Variants in DPY19L2 observed in about 807,000 individuals in gnomAD.
DPY19L2 encodes the protein probable C-mannosyltransferase DPY19L2.
A neutral mutation model predicts 97.9 loss-of-function variants in DPY19L2; 34 were observed. The observed-to-expected ratio is 0.35, with a 90% CI of 0.26 to 0.46. DPY19L2 has a LOEUF of 0.46. DPY19L2 is among the 20% of genes least tolerant of loss of function. The pLI is 1.00. For missense variants in DPY19L2, 623 were observed against 911.4 expected, an observed-to-expected ratio of 0.68 and a Z score of 4.07; for synonymous variants, 230 against 307.9, an observed-to-expected ratio of 0.75 and a Z score of 2.65.
chr12:63,615,686 A>C (rs1457956023), intron 11 of DPY19L2, among the ~76,000 whole-genome samples: 1 of 152,194 alleles, frequency 6.6e-6, no homozygotes, highest in East Asian at 1.9e-4. Flanking sequence ...TTAAGTGATG[A>C]AACTATAAAG....
intron 6 of DPY19L2, among the ~76,000 whole-genome samples, chr12:63,627,439 T>C (rs947660908): frequency 2.6e-5 from 4 of 152,014 alleles, no homozygotes; most frequent in Non-Finnish European, 5.9e-5. Context: ...AACCTCTGCC[T>C]CCCTGGTTCA....
chr12:63,573,284 G>T (rs920873186), intron 19 of DPY19L2, among the ~76,000 whole-genome samples: 1 of 151,952 alleles, frequency 6.6e-6, no homozygotes, highest in Non-Finnish European at 1.5e-5. Context: ...AGAAATTCTG[G>T]AGCTGAAAAA....
chr12:63,610,841 CAAAA>C (rs56044043), intron 11 of DPY19L2, among the ~76,000 whole-genome samples: 26 of 10,748 alleles, frequency 2.4e-3, no homozygotes, highest in Admixed American at 6.6e-3. Flanking sequence ...ATGAATATAG[CAAAA>C]AAAAAAAAAA....
intron 4 of DPY19L2, among the ~76,000 whole-genome samples, chr12:63,647,602 A>T (rs1893598415): frequency 6.6e-6 from 1 of 152,180 alleles, no homozygotes; most frequent in Non-Finnish European, 1.5e-5. Flanking sequence ...ATGCTCTACC[A>T]GTCAAAATTC....
At chr12:63,628,848 G>C (rs1032000098) in intron 6 of DPY19L2, among the ~76,000 whole-genome samples, 4 of 150,930 alleles carry the variant, frequency 2.7e-5, no homozygotes, top group African/African-American at 9.8e-5. Flanking sequence ...CACACAGCCG[G>C]GTACTCCTCT....
intron 9 of DPY19L2, chr12:63,619,904 C>A (rs1284211017): frequency 2.0e-5 from 9 of 447,486 alleles, no homozygotes; most frequent in South Asian, 8.0e-5. Context: ...TTGGCATGTG[C>A]AAATAATGAA....
At chr12:63,587,019 G>A (rs1881907324) in intron 16 of DPY19L2, among the ~76,000 whole-genome samples, 1 of 151,696 alleles carries the variant, frequency 6.6e-6, no homozygotes, top group African/African-American at 2.4e-5. Context: ...AATTTGAATA[G>A]AAAAAATCTA....
At chr12:63,620,934 T>C (rs1888588365) in intron 9 of DPY19L2, among the ~76,000 whole-genome samples, 1 of 151,974 alleles carries the variant, frequency 6.6e-6, no homozygotes. Flanking sequence ...TGGAGGCCAT[T>C]ATCCTCAGCA....
intron 19 of DPY19L2, among the ~76,000 whole-genome samples, chr12:63,580,327 T>G (rs1277769546): frequency 1.3e-5 from 2 of 152,166 alleles, no homozygotes; most frequent in Non-Finnish European, 1.5e-5. Flanking sequence ...ACTTACTTCT[T>G]TGATTTGTCA....
chr12:63,598,014 T>C (rs1884533512), intron 13 of DPY19L2, 104 bp from the exon 14 acceptor site: 2 of 859,900 alleles, frequency 2.3e-6, no homozygotes, highest in Non-Finnish European at 3.3e-6. Context: ...ATAGAGCAGA[T>C]AAATCCAATA....
At chr12:63,663,597 A>C (rs1416614392) in intron 3 of DPY19L2, among the ~76,000 whole-genome samples, 161 bp downstream of exon 3, 3 of 152,208 alleles carry the variant, frequency 2.0e-5, no homozygotes, top group Non-Finnish European at 2.9e-5. Flanking sequence ...AGTAACAGAA[A>C]AATAATCTCA....
intron 11 of DPY19L2, among the ~76,000 whole-genome samples, chr12:63,610,119 T>C (rs1413965506): frequency 6.7e-6 from 1 of 149,208 alleles, no homozygotes; most frequent in Non-Finnish European, 1.5e-5. Context: ...CAAAAGACTA[T>C]CTTTAATATA....
intron 21 of DPY19L2, among the ~76,000 whole-genome samples, chr12:63,564,326 A>G (rs1169772923): frequency 6.6e-6 from 1 of 151,992 alleles, no homozygotes; most frequent in Non-Finnish European, 1.5e-5. Flanking sequence ...AAGCTGAGTG[A>G]CTGATATGAG....
chr12:63,652,615 C>T (rs1440372955), intron 4 of DPY19L2, among the ~76,000 whole-genome samples: 2 of 152,098 alleles, frequency 1.3e-5, no homozygotes, highest in African/African-American at 4.8e-5. Flanking sequence ...AAGATAATGT[C>T]CTTTGCAGCA....
intron 18 of DPY19L2, among the ~76,000 whole-genome samples, chr12:63,582,153 C>G (rs896284460): frequency 6.6e-6 from 1 of 151,920 alleles, no homozygotes. Context: ...AGGATATTAA[C>G]AGAGGGGAAA....
intron 16 of DPY19L2, among the ~76,000 whole-genome samples, chr12:63,588,806 T>G (rs1489578577): frequency 8.8e-5 from 13 of 147,796 alleles, no homozygotes; most frequent in Admixed American, 7.0e-5. Flanking sequence ...CAGGCTGGAG[T>G]GCGGTGGCGC....
chr12:63,586,043 A>G (rs1381080907), intron 16 of DPY19L2, among the ~76,000 whole-genome samples: 1 of 152,182 alleles, frequency 6.6e-6, no homozygotes, highest in African/African-American at 2.4e-5. Flanking sequence ...ATGTGATAAA[A>G]GCAATAACAG....
rs533516169 is a variant in DPY19L2 at position 63,648,510 on chromosome 12, T to C, written c.589-1145A>G. ...GGCATGATCTCGGCTCACTGCAACCTCTTCCTCCTGGGTTCAAGCCAAGTC... is the reference window on the plus strand; with the variant it reads ...GGCATGATCTCGGCTCACTGCAACCCCTTCCTCCTGGGTTCAAGCCAAGTC... On this transcript the variant is annotated intron_variant, in intron 4 of 21. Transcript: ENST00000324472. Among the ~76,000 whole-genome samples, 384 of 151,448 alleles carry C rather than the reference T, an allele frequency of 2.5e-3. 1 individual carries two copies. The highest frequency in any genetic ancestry group is 9.1e-3 in the African/African-American group (374 of 41,228).
At chr12:63,623,923 C>T (rs568940616) in intron 8 of DPY19L2, 117 bp downstream of exon 8, 14 of 707,060 alleles carry the variant, frequency 2.0e-5, no homozygotes, top group East Asian at 6.3e-5. Flanking sequence ...AGGCTGGTCT[C>T]GAACTCCTGA....
Sources: allele counts gnomAD v4.1 joint callset (sites outside exome capture counted in the v4.1 genomes callset), GRCh38; gene constraint gnomAD v4.1.1; transcripts MANE v1.5; gene names NCBI Gene and HGNC (gene_info 2026-07-23, HGNC 2026-07-21).